KLHL29: variants seen among roughly 807,000 people sequenced by gnomAD.
KLHL29 encodes kelch-like protein 29.
KLHL29 carries 21 observed loss-of-function variants against 80.4 expected under a neutral mutation model. The ratio of observed to expected loss-of-function variants is 0.26; its 90% CI spans 0.19 to 0.38. KLHL29 has a LOEUF of 0.38. Among genes scored for constraint, KLHL29 ranks in the 10% least tolerant of loss-of-function variants. The probability of loss-of-function intolerance (pLI) is 1.00; values close to 1 mark genes in which losing one functional copy is unlikely to be tolerated. For missense variants in KLHL29, 867 were observed against 1,223.9 expected, an observed-to-expected ratio of 0.71 and a Z score of 4.35; for synonymous variants, 511 against 526.8, an observed-to-expected ratio of 0.97 and a Z score of 0.41.
chr2:23,564,865 C>T (rs984908721), intron 3 of KLHL29, among the ~76,000 whole-genome samples: 2 of 152,238 alleles, frequency 1.3e-5, no homozygotes, highest in East Asian at 3.9e-4. Context: ...GAATGTCTCT[C>T]CCCCTGAAGT....
chr2:23,612,471 G>A (rs997856864), intron 3 of KLHL29, among the ~76,000 whole-genome samples: 1 of 152,234 alleles, frequency 6.6e-6, no homozygotes, highest in Non-Finnish European at 1.5e-5. Context: ...CTGGCTGGGT[G>A]TGGTGGTTCA....
intron 2 of KLHL29, among the ~76,000 whole-genome samples, chr2:23,515,009 A>T (rs1665879953): frequency 1.3e-5 from 2 of 152,174 alleles, no homozygotes; most frequent in African/African-American, 4.8e-5. Flanking sequence ...ACTAGGGTTC[A>T]TCTGAGACAT....
chr2:23,412,134 GGC>G (rs1193431751), intron 1 of KLHL29, among the ~76,000 whole-genome samples: 2 of 140,454 alleles, frequency 1.4e-5, no homozygotes, highest in Non-Finnish European at 3.1e-5. Context: ...GGGGGGGGGG[GGC>G]GGTGCGGTAG....
Position 23,582,457 on chromosome 2 carries a change from C to T in KLHL29, c.285+19976C>T, listed in dbSNP as rs190686754. Among the ~76,000 whole-genome samples, 724 of 152,256 alleles carry T rather than the reference C, an allele frequency of 4.8e-3. 5 individuals are homozygous for T. Among genetic ancestry groups the T allele is most frequent in the African/African-American group, 0.016 (660 of 41,554 alleles). Reference sequence around the variant, plus strand: ...GGAGGATGGGGATGGTGAGAAGATCCGGGGACCCCTATGACTCAGGGTCCT... The same window carrying T: ...GGAGGATGGGGATGGTGAGAAGATCTGGGGACCCCTATGACTCAGGGTCCT... On this transcript the variant is annotated intron_variant, in intron 3 of 13. Coordinates refer to ENST00000486442, the MANE Select transcript of KLHL29 (RefSeq NM_052920.2).
chr2:23,505,444 T>C (rs1262175095), intron 2 of KLHL29, among the ~76,000 whole-genome samples: 5 of 152,222 alleles, frequency 3.3e-5, no homozygotes, highest in African/African-American at 4.8e-5. Flanking sequence ...AGGGGCATCA[T>C]GGCTGCAGGT....
At position 23,682,814 on chromosome 2, in the gene KLHL29, C is replaced by T. The variant is rs1015818653; in HGVS notation, c.941-1585C>T. ...CCTTCCTGAAGTCCCAGCCAGAGCC[C>T]CCTTCCGCACCCCTGGAGATGCTCT... On this transcript the variant is annotated intron_variant, in intron 5 of 13. Transcript: ENST00000486442. This position sits in a 1 kb window ranked among gnomAD's most constrained non-coding sequence, Gnocchi z 4.1. Among the ~76,000 whole-genome samples the T allele has an allele frequency of 6.6e-6, 1 of 152,198 alleles. No homozygotes were observed. The highest frequency in any genetic ancestry group is 1.5e-5 in the Non-Finnish European group (1 of 68,042).
In KLHL29 at chr2:23,562,777, G is replaced by A. The variant is rs1467935016; in HGVS notation, c.285+296G>A. ...GCTATTAATGAGTGAAGTAACAGTG[G>A]ACCTCCAAGATGGCAATATGGGGTT... On this transcript the variant is annotated intron_variant, in intron 3 of 13. Transcript: ENST00000486442. This position sits in a 1 kb window ranked among gnomAD's most constrained non-coding sequence, Gnocchi z 4.5. 6.6e-6 allele frequency among the ~76,000 whole-genome samples: 1 copy of A among 152,306 alleles called. No homozygotes were observed. The highest frequency in any genetic ancestry group is 6.5e-5 in the Admixed American group (1 of 15,306).
chr2:23,452,075 G>A (rs1416442685), intron 1 of KLHL29, among the ~76,000 whole-genome samples: 19 of 151,860 alleles, frequency 1.3e-4, no homozygotes, highest in East Asian at 7.8e-4. Flanking sequence ...GCAGTGGTGC[G>A]ATCACATCTC....
intron 11 of KLHL29, among the ~76,000 whole-genome samples, chr2:23,698,678 T>C (rs1180439202): frequency 1.3e-5 from 2 of 152,028 alleles, no homozygotes; most frequent in East Asian, 3.9e-4. Context: ...AATAACCGGG[T>C]CTAATATTTT....
intron 1 of KLHL29, among the ~76,000 whole-genome samples, chr2:23,460,307 G>GT (rs1308541358): frequency 6.6e-6 from 1 of 152,104 alleles, no homozygotes. Context: ...GGGGCTTATA[G>GT]TTTTTTCTAG....
At chr2:23,531,955 C>G (rs748859) in intron 2 of KLHL29, among the ~76,000 whole-genome samples, 4 of 151,992 alleles carry the variant, frequency 2.6e-5, no homozygotes, top group African/African-American at 7.3e-5. Context: ...CAAGTCGCCA[C>G]GACTCCCAAG....
intron 3 of KLHL29, among the ~76,000 whole-genome samples, chr2:23,575,681 A>G (rs1667825666): frequency 6.6e-6 from 1 of 152,222 alleles, no homozygotes; most frequent in Admixed American, 6.5e-5. Flanking sequence ...GCTGCTGGCA[A>G]TGTGGAGACA....
chr2:23,626,480 A>G (rs1669311624), intron 3 of KLHL29, among the ~76,000 whole-genome samples: 1 of 152,226 alleles, frequency 6.6e-6, no homozygotes, highest in South Asian at 2.1e-4. Flanking sequence ...CTGGGCACTT[A>G]GATCTTGGCC....
At chr2:23,646,696 T>C (rs183178864) in intron 5 of KLHL29, among the ~76,000 whole-genome samples, 2 of 152,288 alleles carry the variant, frequency 1.3e-5, no homozygotes, top group East Asian at 3.9e-4. Context: ...ATTCTGGCAC[T>C]GGACTTCCAC....
intron 3 of KLHL29, among the ~76,000 whole-genome samples, chr2:23,607,574 C>G (rs1367099431): frequency 1.3e-5 from 2 of 152,194 alleles, no homozygotes; most frequent in Non-Finnish European, 2.9e-5. Flanking sequence ...GGTCACCCAC[C>G]CCCACAAACC....
intron 3 of KLHL29, among the ~76,000 whole-genome samples, chr2:23,597,383 GTATA>G (rs1558402790): frequency 0.056 from 1,307 of 23,374 alleles, 21 homozygotes; most frequent in African/African-American, 0.073. Context: ...GTGTGTGTGT[GTATA>G]TATATATATA....
intron 2 of KLHL29, among the ~76,000 whole-genome samples, chr2:23,499,387 A>C (rs1340932281): frequency 6.6e-6 from 1 of 152,152 alleles, no homozygotes; most frequent in Non-Finnish European, 1.5e-5. Context: ...CTGGATCAAC[A>C]TTGCATTGAA....
At chr2:23,585,923 T>C (rs1490518516) in intron 3 of KLHL29, among the ~76,000 whole-genome samples, 1 of 152,194 alleles carries the variant, frequency 6.6e-6, no homozygotes, top group African/African-American at 2.4e-5. Context: ...CAGGAGGATA[T>C]GCTGTTGGGA....
chr2:23,633,440 A>G lies in KLHL29; in HGVS notation c.286-5699A>G, dbSNP rs143065428. ...TGACTTTGCCCTTTACTATTTTGCA[A>G]TATATACAAAATGGTAAGATACACA... is the stretch of plus-strand genomic sequence containing the variant. On this transcript the variant is annotated intron_variant, in intron 3 of 13. Coordinates refer to ENST00000486442, the MANE Select transcript of KLHL29 (RefSeq NM_052920.2). 3.9e-4 allele frequency among the ~76,000 whole-genome samples: 59 copies of G among 152,304 alleles called. No individual in the cohort carries two copies. The East Asian group carries it at 0.01, about 26-fold the overall frequency.
Sources: gnomAD v4.1 joint callset for allele counts (sites outside exome capture counted in the v4.1 genomes callset) on GRCh38, gnomAD v4.1.1 for gene constraint, Gnocchi (gnomAD v3.1) non-coding constraint, MANE v1.5 for transcripts, NCBI Gene and HGNC (gene_info 2026-07-23, HGNC 2026-07-21) for gene names.